NPAS3: variants seen among roughly 807,000 people sequenced by gnomAD.
The protein encoded by NPAS3 is neuronal PAS domain protein 3, also known as neuronal PAS domain-containing protein 3.
In NPAS3, 14 loss-of-function variants were observed where a neutral mutation model predicts 73.1. The ratio of observed to expected loss-of-function variants is 0.19; its 90% CI spans 0.13 to 0.30. The LOEUF is 0.30. Ranked by LOEUF, NPAS3 falls within the 10% of genes least tolerant of loss-of-function variation. The pLI, the probability that NPAS3 is intolerant of heterozygous loss-of-function variation, is 1.00. For synonymous variants in NPAS3, 620 were observed against 541.5 expected, an observed-to-expected ratio of 1.14 and a Z score of -2.01; for missense variants, 1,096 against 1,250.0, an observed-to-expected ratio of 0.88 and a Z score of 1.86.
At chr14:32,975,196 C>T (rs1220639577) in intron 1 of NPAS3, among the ~76,000 whole-genome samples, 1 of 151,922 alleles carries the variant, frequency 6.6e-6, no homozygotes, top group African/African-American at 2.4e-5. Flanking sequence ...TTTAATACTA[C>T]CAGCACAGAG....
chr14:33,482,042 C>CTCAGAA (rs2051352016), intron 4 of NPAS3, among the ~76,000 whole-genome samples: 1 of 147,794 alleles, frequency 6.8e-6, no homozygotes, highest in Non-Finnish European at 1.5e-5. Context: ...AATTCATGAA[C>CTCAGAA]TCAGAAGCAA....
chr14:33,563,023 G>A (rs1187738931), intron 5 of NPAS3, among the ~76,000 whole-genome samples: 2 of 152,002 alleles, frequency 1.3e-5, no homozygotes, highest in Admixed American at 6.6e-5. Flanking sequence ...TAAAGTTATG[G>A]ACCCTCCTTT....
intron 7 of NPAS3, among the ~76,000 whole-genome samples, chr14:33,740,601 G>T (rs2061632109): frequency 6.6e-6 from 1 of 152,206 alleles, no homozygotes. Flanking sequence ...CCAAACGATT[G>T]TACCGTGATC....
intron 2 of NPAS3, among the ~76,000 whole-genome samples, chr14:33,066,358 C>A (rs1342309863): frequency 6.6e-6 from 1 of 152,194 alleles, no homozygotes; most frequent in African/African-American, 2.4e-5. Context: ...CATCTGATAG[C>A]AAGATTGTTT....
intron 4 of NPAS3, among the ~76,000 whole-genome samples, chr14:33,541,726 A>C (rs1484074639): frequency 1.3e-5 from 2 of 152,166 alleles, no homozygotes; most frequent in African/African-American, 2.4e-5. Context: ...AAACACCAGG[A>C]GTTTTTCTCT....
At chr14:32,936,971 T>C (rs2035716022), upstream of NPAS3, among the ~76,000 whole-genome samples, 1 of 151,676 alleles carries the variant, frequency 6.6e-6, no homozygotes, top group African/African-American at 2.4e-5. Context: ...CTTTAGCCTT[T>C]GGGGTGTATT....
intron 2 of NPAS3, among the ~76,000 whole-genome samples, chr14:33,101,335 A>T (rs892554194): frequency 2.0e-5 from 3 of 151,848 alleles, no homozygotes; most frequent in Non-Finnish European, 4.4e-5. Context: ...CCTTATCTTT[A>T]AAAAATATAT....
intron 3 of NPAS3, among the ~76,000 whole-genome samples, chr14:33,328,569 C>A (rs1354126468): frequency 5.5e-5 from 8 of 146,300 alleles, no homozygotes; most frequent in East Asian, 2.0e-4. Flanking sequence ...CTGGTTCAAG[C>A]GATTCTCCTG....
chr14:33,490,215 G>C (rs928676632), intron 4 of NPAS3, among the ~76,000 whole-genome samples: 4 of 152,090 alleles, frequency 2.6e-5, no homozygotes, highest in Non-Finnish European at 4.4e-5. Context: ...TAAATAGGGA[G>C]ACATGGTGCC....
chr14:33,685,801 G>A (rs2060072529), intron 6 of NPAS3, among the ~76,000 whole-genome samples: 1 of 152,028 alleles, frequency 6.6e-6, no homozygotes, highest in Admixed American at 6.6e-5. Context: ...GCATTTATGA[G>A]TAATTTATTT....
At chr14:33,494,340 C>T (rs2052057607) in intron 4 of NPAS3, among the ~76,000 whole-genome samples, 1 of 152,062 alleles carries the variant, frequency 6.6e-6, no homozygotes, top group African/African-American at 2.4e-5. Context: ...ACCTGTTAGC[C>T]CCGCTGTGTC....
chr14:33,532,887 GA>G (rs2054104709), intron 4 of NPAS3, among the ~76,000 whole-genome samples: 1 of 152,018 alleles, frequency 6.6e-6, no homozygotes, highest in African/African-American at 2.4e-5. Context: ...CATTGTCCTA[GA>G]AAACCATGCT....
At chr14:33,388,551 G>A (rs2138565209) in intron 4 of NPAS3, among the ~76,000 whole-genome samples, 1 of 152,236 alleles carries the variant, frequency 6.6e-6, no homozygotes, top group Non-Finnish European at 1.5e-5. Context: ...ACCAGGTAGT[G>A]GTTGTGATAG....
chr14:33,741,995 T>C lies in NPAS3; in HGVS notation c.852+6663T>C, dbSNP rs17101815. On this transcript the variant is annotated intron_variant, in intron 7 of 11. Transcript: ENST00000356141. ...CATAAAAAAGTAACAAACTTTCCTA[T>C]ATATAATGTCTTTTAACCAACTATT... is the stretch of plus-strand genomic sequence containing the variant. Among the ~76,000 whole-genome samples the C allele has an allele frequency of 9.0e-3, 1,367 of 152,258 alleles. 17 individuals are homozygous for C. Among genetic ancestry groups the C allele is most frequent in the African/African-American group, 0.031 (1,286 of 41,538 alleles).
chr14:33,159,755 G>A (rs998376731), intron 2 of NPAS3, among the ~76,000 whole-genome samples: 6 of 151,912 alleles, frequency 3.9e-5, no homozygotes, highest in East Asian at 1.9e-4. Context: ...GGGTTTCACC[G>A]TGTTAGCCAG....
chr14:33,484,589 G>C (rs1340824450), intron 4 of NPAS3, among the ~76,000 whole-genome samples: 1 of 152,214 alleles, frequency 6.6e-6, no homozygotes, highest in Non-Finnish European at 1.5e-5. Context: ...GAATGTGTGT[G>C]AGGAGATAAA....
At chr14:33,011,493 AG>A (rs2039193724) in intron 1 of NPAS3, among the ~76,000 whole-genome samples, 1 of 152,136 alleles carries the variant, frequency 6.6e-6, no homozygotes, top group Non-Finnish European at 1.5e-5. Flanking sequence ...GAAAACCCAC[AG>A]AGACTTGTGG....
intron 1 of NPAS3, among the ~76,000 whole-genome samples, chr14:32,940,453 A>G (rs1227562996): frequency 2.0e-5 from 3 of 152,246 alleles, no homozygotes; most frequent in Non-Finnish European, 4.4e-5. Context: ...AACGTTAATG[A>G]CATTAATTGC....
At chr14:33,275,455 T>G in intron 3 of NPAS3, among the ~76,000 whole-genome samples, 1 of 152,256 alleles carries the variant, frequency 6.6e-6, no homozygotes, top group East Asian at 1.9e-4. Context: ...GCCCACCACT[T>G]TGATGTGATT....
Sources: allele counts gnomAD v4.1 joint callset (sites outside exome capture counted in the v4.1 genomes callset), GRCh38; gene constraint gnomAD v4.1.1; transcripts MANE v1.5; gene names NCBI Gene and HGNC (gene_info 2026-07-23, HGNC 2026-07-21).